Variants in C4orf36 observed in about 807,000 individuals in gnomAD.
C4orf36 encodes chromosome 4 open reading frame 36.
C4orf36 carries 11 observed loss-of-function variants against 12.2 expected under a neutral mutation model. The observed-to-expected ratio is 0.90, with a 90% CI of 0.57 to 1.49. C4orf36 has a LOEUF of 1.49. Ranked by LOEUF, C4orf36 falls within the 40% of genes most tolerant of loss-of-function variation. The pLI, the probability that C4orf36 is intolerant of heterozygous loss-of-function variation, is 0.00. For synonymous variants in C4orf36, 54 were observed against 51.3 expected (o/e 1.05, Z -0.22); for missense variants, 137 against 133.9 (o/e 1.02, Z -0.11).
intron 1 of C4orf36, 92 bp downstream of exon 1, chr4:86,892,091 G>A (rs1747442592): frequency 4.1e-6 from 4 of 985,822 alleles, no homozygotes; most frequent in Non-Finnish European, 4.8e-6. Context: ...GCAGGGCCCG[G>A]GAGGAACTGG....
the C4orf36 span, among the ~76,000 whole-genome samples, chr4:86,908,287 A>C: frequency 6.6e-6 from 1 of 151,872 alleles, no homozygotes; most frequent in Non-Finnish European, 1.5e-5. Flanking sequence ...TGATGAAAGA[A>C]AGTGGGTTTG....
the C4orf36 span, among the ~76,000 whole-genome samples, chr4:86,917,153 G>A: frequency 7.2e-5 from 11 of 152,046 alleles, no homozygotes; most frequent in Non-Finnish European, 1.6e-4. Flanking sequence ...GGTGGCGTGT[G>A]CCTGCAGCCC....
the C4orf36 span, chr4:86,913,281 C>T: frequency 7.7e-6 from 5 of 647,250 alleles, no homozygotes; most frequent in East Asian, 1.9e-4. Context: ...GGATGGAAGA[C>T]TCGAGAGTCT....
chr4:86,932,596 G>C, the C4orf36 span, among the ~76,000 whole-genome samples: 2 of 151,816 alleles, frequency 1.3e-5, no homozygotes, highest in Non-Finnish European at 2.9e-5. Flanking sequence ...CTGTTTAGGT[G>C]CTCTGAGAAT....
At chr4:86,935,110 A>C in the C4orf36 span, 11 of 152,344 alleles carry the variant, frequency 7.2e-5, no homozygotes, top group Middle Eastern at 3.4e-3. Context: ...GCGGTTCCGC[A>C]GCCGAGCCCC....
At chr4:86,884,595 C>T (rs1177020561) in intron 4 of C4orf36, among the ~76,000 whole-genome samples, 1 of 152,142 alleles carries the variant, frequency 6.6e-6, no homozygotes, top group African/African-American at 2.4e-5. Flanking sequence ...CATAAGCCAT[C>T]ACCCCCAGCC....
the C4orf36 span, chr4:86,914,437 A>T: frequency 1.6e-6 from 1 of 623,100 alleles, no homozygotes; most frequent in Non-Finnish European, 2.5e-6. Flanking sequence ...GTCTGGCTCT[A>T]TCGCCCAGGC....
At chr4:86,908,795 A>G in the C4orf36 span, among the ~76,000 whole-genome samples, 1 of 152,172 alleles carries the variant, frequency 6.6e-6, no homozygotes, top group African/African-American at 2.4e-5. Flanking sequence ...TGGAGAATTC[A>G]GGGTCTGAAT....
the C4orf36 span, among the ~76,000 whole-genome samples, chr4:86,898,769 T>C: frequency 3.9e-3 from 597 of 151,998 alleles, 5 homozygotes; most frequent in African/African-American, 0.014. Flanking sequence ...TGATCGCACC[T>C]GTGAACAGCC....
chr4:86,892,886 T>G (rs1217556515), upstream of C4orf36, among the ~76,000 whole-genome samples: 2 of 152,192 alleles, frequency 1.3e-5, no homozygotes, highest in Non-Finnish European at 2.9e-5. Context: ...ATACATCAGA[T>G]GGCCACCCCT....
chr4:86,896,077 C>G (rs577058279), upstream of C4orf36, among the ~76,000 whole-genome samples: 4 of 152,250 alleles, frequency 2.6e-5, no homozygotes, highest in South Asian at 8.3e-4. Flanking sequence ...AATTATCACA[C>G]AATAAATGCT....
the C4orf36 span, among the ~76,000 whole-genome samples, chr4:86,904,186 A>G: frequency 6.6e-6 from 1 of 152,178 alleles, no homozygotes; most frequent in East Asian, 1.9e-4. Flanking sequence ...CCCAGCAGGA[A>G]CCGGCCGCCG....
intron 2 of C4orf36, among the ~76,000 whole-genome samples, chr4:86,889,777 T>C (rs1199933858): frequency 6.6e-6 from 1 of 152,106 alleles, no homozygotes; most frequent in Non-Finnish European, 1.5e-5. Flanking sequence ...ATTAGCCGAA[T>C]GTGGTGGCAC....
At chr4:86,917,677 T>A in the C4orf36 span, among the ~76,000 whole-genome samples, 1 of 152,072 alleles carries the variant, frequency 6.6e-6, no homozygotes, top group African/African-American at 2.4e-5. Flanking sequence ...TAGTCATGTA[T>A]CACATAAAAA....
At chr4:86,883,489 T>C (rs1242911669) in intron 4 of C4orf36, among the ~76,000 whole-genome samples, 3 of 152,236 alleles carry the variant, frequency 2.0e-5, no homozygotes, top group Non-Finnish European at 2.9e-5. Context: ...ATACTCACAG[T>C]AATGTCTAAC....
chr4:86,929,570 A>G, the C4orf36 span, among the ~76,000 whole-genome samples: 1 of 152,144 alleles, frequency 6.6e-6, no homozygotes, highest in Non-Finnish European at 1.5e-5. Flanking sequence ...GTCAGACCCA[A>G]CCACACTCAA....
At chr4:86,928,635 C>T in the C4orf36 span, among the ~76,000 whole-genome samples, 4 of 152,252 alleles carry the variant, frequency 2.6e-5, no homozygotes, top group African/African-American at 9.6e-5. Context: ...GCTGAGCTGA[C>T]ACTGTGGGCT....
In C4orf36 at chr4:86,888,264, C is replaced by T. The variant is rs1416038609; in HGVS notation, c.77G>A (p.Trp26Ter). Residue 26 changes from tryptophan to a stop codon, truncating the protein, a stop_gained, in exon 3 of 5, where the codon TGG (tryptophan) becomes TAG (stop). Transcript: ENST00000295898. LOFTEE classifies it high-confidence loss of function. Reference sequence around the variant, plus strand: ...GGTCTTTGCAAGCAATGCAATATCCCAAGGTTCCTGTCTGGGGCAAAAATT... The same window carrying T: ...GGTCTTTGCAAGCAATGCAATATCCTAAGGTTCCTGTCTGGGGCAAAAATT... Reference protein sequence around the residue: ...RGSCYNVQEPWDIALLAKTWS... With the variant: ...RGSCYNVQEP 3.1e-6 allele frequency: 5 copies of T among 1,613,408 alleles called. No individual in the cohort carries two copies. Among genetic ancestry groups the T allele is most frequent in the African/African-American group, 1.3e-5 (1 of 74,924 alleles).
chr4:86,887,459 A>T (rs1466767683), intron 4 of C4orf36: 1 of 261,062 alleles, frequency 3.8e-6, no homozygotes, highest in Non-Finnish European at 7.2e-6. Flanking sequence ...ATGCAGCTGA[A>T]GAAATTTCCT....
Sources: allele counts gnomAD v4.1 joint callset (sites outside exome capture counted in the v4.1 genomes callset), GRCh38; gene constraint gnomAD v4.1.1; transcripts MANE v1.5; gene names NCBI Gene and HGNC (gene_info 2026-07-23, HGNC 2026-07-21).